TMEM135: variants seen among roughly 807,000 people sequenced by gnomAD.
TMEM135 encodes the protein transmembrane protein 135.
A neutral mutation model predicts 60.3 loss-of-function variants in TMEM135; 30 were observed. That is an observed-to-expected ratio of 0.50 (90% confidence interval 0.37 to 0.68). TMEM135 has a LOEUF of 0.68. TMEM135 is among the 30% of genes least tolerant of loss of function. The pLI, the probability that TMEM135 is intolerant of heterozygous loss-of-function variation, is 0.00. For missense variants in TMEM135, 468 were observed against 548.8 expected, an observed-to-expected ratio of 0.85 and a Z score of 1.47; for synonymous variants, 190 against 186.7, an observed-to-expected ratio of 1.02 and a Z score of -0.14.
chr11:87,178,137 C>T (rs1939425059), intron 5 of TMEM135, among the ~76,000 whole-genome samples: 5 of 152,234 alleles, frequency 3.3e-5, no homozygotes, highest in Admixed American at 2.6e-4. Context: ...TCCAGCTCCC[C>T]TCCTGTCCTT....
chr11:87,227,627 A>C (rs1940792877), intron 5 of TMEM135, among the ~76,000 whole-genome samples: 1 of 152,184 alleles, frequency 6.6e-6, no homozygotes. Context: ...GTTATATGAC[A>C]ATACATAGCT....
At chr11:87,272,886 G>A (rs144133544) in intron 6 of TMEM135, among the ~76,000 whole-genome samples, 8 of 152,006 alleles carry the variant, frequency 5.3e-5, no homozygotes, top group Admixed American at 1.3e-4. Context: ...TAGAGCTCTC[G>A]GAAAGTTCTT....
intron 8 of TMEM135, 31 bp downstream of exon 8, chr11:87,302,473 C>A: frequency 6.2e-7 from 1 of 1,613,012 alleles, no homozygotes; most frequent in Non-Finnish European, 8.5e-7. Context: ...TTTTAACCTG[C>A]TTTGTCACTG....
chr11:87,054,786 C>A (rs1397267394), intron 1 of TMEM135, among the ~76,000 whole-genome samples: 1 of 152,104 alleles, frequency 6.6e-6, no homozygotes, highest in Non-Finnish European at 1.5e-5. Context: ...AAGAAATACA[C>A]ATGGGACAAT....
intron 6 of TMEM135, among the ~76,000 whole-genome samples, chr11:87,267,472 G>T (rs1030809084): frequency 2.0e-5 from 3 of 151,964 alleles, no homozygotes; most frequent in African/African-American, 7.3e-5. Flanking sequence ...TATAGCAAAA[G>T]AAAAACAAAA....
chr11:87,321,475 G>T lies in TMEM135; in HGVS notation c.*142G>T, dbSNP rs1320230630. On this transcript the variant is annotated 3_prime_UTR_variant, in exon 15 of 15. Transcript: ENST00000305494. ...TTTTCATTTGTTTTGTTTTTCTTAT[G>T]AATCAGAAATTCAGAAGCTTTTTAG... 2 of 967,898 alleles carry T rather than the reference G, an allele frequency of 2.1e-6. No individual in the cohort carries two copies. The highest frequency in any genetic ancestry group is 3.2e-6 in the Non-Finnish European group (2 of 622,380). The allele number at this position is 967,898 out of a possible 1,614,324, so 60.0% of individuals were successfully genotyped here. A position where few individuals can be genotyped will look rare whatever the true frequency, so the allele number is the denominator to read the frequency against.
intron 7 of TMEM135, among the ~76,000 whole-genome samples, chr11:87,296,792 A>G (rs1942355252): frequency 6.6e-6 from 1 of 152,186 alleles, no homozygotes; most frequent in Non-Finnish European, 1.5e-5. Context: ...CGATAACTAC[A>G]GGGAAGAGGA....
intron 5 of TMEM135, among the ~76,000 whole-genome samples, chr11:87,223,600 C>A (rs192135499): frequency 1.3e-5 from 2 of 151,970 alleles, no homozygotes; most frequent in Non-Finnish European, 2.9e-5. Context: ...CACCTGAGGT[C>A]AGGAGTTCCA....
intron 6 of TMEM135, among the ~76,000 whole-genome samples, chr11:87,263,199 G>A (rs1404061512): frequency 6.6e-6 from 1 of 152,106 alleles, no homozygotes; most frequent in African/African-American, 2.4e-5. Context: ...CAATCAATGT[G>A]CATATTAGAA....
At chr11:87,206,266 ATAG>A (rs553856755) in intron 5 of TMEM135, among the ~76,000 whole-genome samples, 220 of 152,324 alleles carry the variant, frequency 1.4e-3, no homozygotes, top group Non-Finnish European at 2.5e-3. Flanking sequence ...ATGTTCAATA[ATAG>A]TAGTAATACA....
intron 4 of TMEM135, among the ~76,000 whole-genome samples, chr11:87,131,787 G>T (rs1209886735): frequency 1.3e-5 from 2 of 152,168 alleles, no homozygotes; most frequent in Non-Finnish European, 2.9e-5. Flanking sequence ...TGGCCTGTTA[G>T]GAACTGGGCC....
At chr11:87,234,514 T>C (rs1940953960) in intron 5 of TMEM135, among the ~76,000 whole-genome samples, 1 of 152,058 alleles carries the variant, frequency 6.6e-6, no homozygotes, top group Admixed American at 6.6e-5. Context: ...TTAAAAATAA[T>C]TTCTTTCCAG....
At chr11:87,049,545 A>AACAAAGATCAAAAGAG (rs1949823221) in intron 1 of TMEM135, among the ~76,000 whole-genome samples, 1 of 126,816 alleles carries the variant, frequency 7.9e-6, no homozygotes, top group Non-Finnish European at 1.7e-5. Flanking sequence ...ACTTTAAACC[A>AACAAAGATCAAAAGAG]ACAAAGATCA....
At chr11:87,187,323 T>C (rs141920286) in intron 5 of TMEM135, among the ~76,000 whole-genome samples, 2 of 152,142 alleles carry the variant, frequency 1.3e-5, no homozygotes, top group Non-Finnish European at 2.9e-5. Flanking sequence ...AAGTTGACCA[T>C]GTGGAATACC....
At position 87,255,240 on chromosome 11, in the gene TMEM135, A is replaced by C. The variant is rs190245826; in HGVS notation, c.509+18556A>C. Among the ~76,000 whole-genome samples, 3 of 152,316 alleles carry C rather than the reference A, an allele frequency of 2.0e-5. No homozygotes were observed. The East Asian group carries it at 5.8e-4, about 29-fold the overall frequency. On this transcript the variant is annotated intron_variant, in intron 6 of 14. Transcript: ENST00000305494. ...GGGTCGGAAGAAGAGGGCAGGGCAA[A>C]GAAACAAATGTGTTGGCCCTGAATT...
chr11:87,091,889 A>G (rs1336537947), intron 4 of TMEM135, among the ~76,000 whole-genome samples: 2 of 150,214 alleles, frequency 1.3e-5, no homozygotes, highest in African/African-American at 2.4e-5. Flanking sequence ...ACAAAAATGA[A>G]GTTAATGTTA....
intron 5 of TMEM135, among the ~76,000 whole-genome samples, chr11:87,223,959 TG>T (rs1940710668): frequency 6.6e-6 from 1 of 152,182 alleles, no homozygotes; most frequent in Non-Finnish European, 1.5e-5. Context: ...AATTTGCAGC[TG>T]GATAGGTCCA....
At chr11:87,201,335 A>AT (rs1348435839) in intron 5 of TMEM135, among the ~76,000 whole-genome samples, 2 of 152,142 alleles carry the variant, frequency 1.3e-5, no homozygotes, top group African/African-American at 2.4e-5. Flanking sequence ...TTCATGTTCC[A>AT]TTTTTTCTGT....
chr11:87,211,965 G>T (rs1940381194), intron 5 of TMEM135, among the ~76,000 whole-genome samples: 1 of 151,824 alleles, frequency 6.6e-6, no homozygotes, highest in African/African-American at 2.4e-5. Context: ...TAAGAAAAAA[G>T]AAAAGGCTCA....
Sources: allele counts gnomAD v4.1 joint callset (sites outside exome capture counted in the v4.1 genomes callset), GRCh38; gene constraint gnomAD v4.1.1; transcripts MANE v1.5; gene names NCBI Gene and HGNC (gene_info 2026-07-23, HGNC 2026-07-21).